Variants in ZNF609 observed in about 807,000 individuals in gnomAD.
ZNF609 encodes the protein zinc finger protein 609.
A neutral mutation model predicts 109.5 loss-of-function variants in ZNF609; 11 were observed. The ratio of observed to expected loss-of-function variants is 0.10; its 90% CI spans 0.06 to 0.17. ZNF609 has a LOEUF of 0.17. Ranked by LOEUF, ZNF609 falls within the 10% of genes least tolerant of loss-of-function variation. The pLI is 1.00. For missense variants in ZNF609, 1,559 were observed against 1,772.4 expected (o/e 0.88, Z 2.16); for synonymous variants, 646 against 662.0 (o/e 0.98, Z 0.37).
chr15:64,562,444 A>G (rs2140404675), intron 2 of ZNF609, among the ~76,000 whole-genome samples: 1 of 152,350 alleles, frequency 6.6e-6, no homozygotes, highest in African/African-American at 2.4e-5. Context: ...TCCTAAATCT[A>G]TGTGACTTCA....
At position 64,531,833 on chromosome 15, in the gene ZNF609, TTC is replaced by T. The variant is rs1359790650; in HGVS notation, c.747+31675_747+31676del. Among the ~76,000 whole-genome samples the T allele has an allele frequency of 2.0e-5, 3 of 152,168 alleles. No homozygotes were observed. In the East Asian group the frequency reaches 5.8e-4, roughly 29 times the overall value. ...AACTCTAACATTCTTAGAAATTCCA[TTC>T]TCTCTCTTTCTAACCTATGTCCCTT... is the stretch of plus-strand genomic sequence containing the variant. On this transcript the variant is annotated intron_variant, in intron 2 of 9. Coordinates refer to ENST00000326648, the MANE Select transcript of ZNF609 (RefSeq NM_015042.2).
intron 2 of ZNF609, among the ~76,000 whole-genome samples, chr15:64,538,119 G>A (rs923608908): frequency 6.6e-6 from 1 of 150,978 alleles, no homozygotes; most frequent in Non-Finnish European, 1.5e-5. Flanking sequence ...AAAAAAAAAA[G>A]AAAGAAAGAA....
At chr15:64,504,883 C>G (rs988783784) in intron 2 of ZNF609, among the ~76,000 whole-genome samples, 2 of 151,866 alleles carry the variant, frequency 1.3e-5, no homozygotes, top group African/African-American at 2.4e-5. Flanking sequence ...GCACTTCTGC[C>G]TTGGTCTCAC....
At chr15:64,572,266 T>C (rs1894870406) in intron 2 of ZNF609, among the ~76,000 whole-genome samples, 1 of 152,154 alleles carries the variant, frequency 6.6e-6, no homozygotes, top group African/African-American at 2.4e-5. Flanking sequence ...GAAGCCGAAG[T>C]AGGCAGATCG....
intron 7 of ZNF609, 54 bp from the exon 8 acceptor site, chr15:64,680,592 T>G: frequency 1.5e-6 from 2 of 1,374,344 alleles, no homozygotes; most frequent in Middle Eastern, 2.1e-4. Context: ...TGTGTGTGGT[T>G]GTATGCATAT....
chr15:64,532,414 C>T (rs920772084), intron 2 of ZNF609, among the ~76,000 whole-genome samples: 12 of 152,186 alleles, frequency 7.9e-5, no homozygotes, highest in African/African-American at 2.9e-4. Context: ...CTTTGTTTCT[C>T]AAGCACCTAT....
intron 2 of ZNF609, among the ~76,000 whole-genome samples, chr15:64,581,992 T>A (rs1318629462): frequency 6.6e-6 from 1 of 152,134 alleles, no homozygotes; most frequent in Non-Finnish European, 1.5e-5. Context: ...CTGGCTTAAT[T>A]CTTGGTAAAT....
chr15:64,489,915 C>T (rs1893388232), intron 1 of ZNF609, among the ~76,000 whole-genome samples: 1 of 152,012 alleles, frequency 6.6e-6, no homozygotes, highest in Non-Finnish European at 1.5e-5. Context: ...GCTACATAGC[C>T]ATCCAATTAT....
chr15:64,539,326 G>T (rs2140378932), intron 2 of ZNF609, among the ~76,000 whole-genome samples: 1 of 151,382 alleles, frequency 6.6e-6, no homozygotes, highest in African/African-American at 2.4e-5. Context: ...TCCTGCCTCA[G>T]CCTCCCAAGT....
intron 8 of ZNF609, 121 bp from the exon 9 acceptor site, chr15:64,681,188 C>T (rs1896880192): frequency 4.6e-6 from 4 of 865,512 alleles, no homozygotes; most frequent in East Asian, 2.4e-5. Context: ...TATCTATCTC[C>T]AGCAAATATA....
rs1896782360 is a variant in ZNF609, at chr15:64,674,666, ATCCAATGATGGC to A, written c.1815_1826del (p.Asn606_Ser609del). ...AAGGGGACACAGACCTTGGGGCCTT[ATCCAATGATGGC>A]TCTGATGATGGACCCTCAGTGATGG... On this transcript the variant is annotated inframe_deletion, in exon 5 of 10. Coordinates refer to ENST00000326648, the MANE Select transcript of ZNF609 (RefSeq NM_015042.2). The A allele has an allele frequency of 1.2e-6, 2 of 1,614,106 alleles. No individual in the cohort carries two copies. Among genetic ancestry groups the A allele is most frequent in the Admixed American group, 3.3e-5 (2 of 60,006 alleles).
chr15:64,522,375 C>T (rs1893904300), intron 2 of ZNF609, among the ~76,000 whole-genome samples: 1 of 152,206 alleles, frequency 6.6e-6, no homozygotes, highest in South Asian at 2.1e-4. Flanking sequence ...CTGGCTTGGG[C>T]ATGATCTATA....
intron 2 of ZNF609, among the ~76,000 whole-genome samples, chr15:64,519,289 A>C (rs1201053974): frequency 6.6e-6 from 1 of 152,168 alleles, no homozygotes; most frequent in East Asian, 1.9e-4. Context: ...GGAAATCTAA[A>C]GATTTAAGAG....
intron 2 of ZNF609, among the ~76,000 whole-genome samples, chr15:64,600,811 A>T (rs1895486311): frequency 6.6e-6 from 1 of 152,096 alleles, no homozygotes; most frequent in African/African-American, 2.4e-5. Context: ...AAATTTATAT[A>T]GTCTTTGTTA....
At chr15:64,609,109 TTTC>T (rs1895667932) in intron 2 of ZNF609, among the ~76,000 whole-genome samples, 1 of 30,976 alleles carries the variant, frequency 3.2e-5, no homozygotes, top group African/African-American at 6.1e-5. Flanking sequence ...TCTTTCTTTC[TTTC>T]TTTCTTTCTT....
At chr15:64,657,292 T>A (rs371000163) in intron 3 of ZNF609, among the ~76,000 whole-genome samples, 1 of 149,310 alleles carries the variant, frequency 6.7e-6, no homozygotes, top group African/African-American at 2.5e-5. Flanking sequence ...AAATAATAGG[T>A]ATTATGTATT....
At chr15:64,515,925 C>T (rs886402819) in intron 2 of ZNF609, among the ~76,000 whole-genome samples, 16 of 139,298 alleles carry the variant, frequency 1.1e-4, no homozygotes, top group Non-Finnish European at 2.0e-4. Context: ...GCAGCAAAGG[C>T]GAAACTCCGT....
chr15:64,526,517 C>T (rs1893969815), intron 2 of ZNF609, among the ~76,000 whole-genome samples: 1 of 152,146 alleles, frequency 6.6e-6, no homozygotes, highest in Non-Finnish European at 1.5e-5. Flanking sequence ...ACATCCTTAA[C>T]TTCTTCACTG....
At chr15:64,502,317 ATGTT>A (rs1893573247) in intron 2 of ZNF609, 1 of 152,164 alleles carries the variant, frequency 6.6e-6, no homozygotes, top group South Asian at 2.1e-4. Flanking sequence ...ATTTAAATAA[ATGTT>A]TGGAAGTTGC....
Sources: allele counts gnomAD v4.1 joint callset (sites outside exome capture counted in the v4.1 genomes callset), GRCh38; gene constraint gnomAD v4.1.1; transcripts MANE v1.5; gene names NCBI Gene and HGNC (gene_info 2026-07-23, HGNC 2026-07-21).